SLC30A8: variants seen among roughly 807,000 people sequenced by gnomAD.
The protein encoded by SLC30A8 is solute carrier family 30 member 8.
SLC30A8 carries 27 observed loss-of-function variants against 36.9 expected under a neutral mutation model. That is an observed-to-expected ratio of 0.73 (90% CI 0.54 to 1.01). The LOEUF (loss-of-function observed/expected upper bound fraction) is 1.01, where lower values mean the gene tolerates loss of function less well. Ranked by LOEUF, SLC30A8 falls within the 50% of genes least tolerant of loss-of-function variation. The probability of loss-of-function intolerance (pLI) is 0.00; values close to 1 mark genes in which losing one functional copy is unlikely to be tolerated. For missense variants in SLC30A8, 439 were observed against 452.0 expected (o/e 0.97, Z 0.26); for synonymous variants, 164 against 172.4 (o/e 0.95, Z 0.38).
At chr8:117,161,126 A>T (rs1384643721) in intron 4 of SLC30A8, among the ~76,000 whole-genome samples, 1 of 152,214 alleles carries the variant, frequency 6.6e-6, no homozygotes, top group African/African-American at 2.4e-5. Flanking sequence ...CACATACAAG[A>T]TCATTTTTCA....
chr8:117,174,797 G>A lies in SLC30A8; in HGVS notation c.*2116G>A, dbSNP rs988352193. On this transcript the variant is annotated 3_prime_UTR_variant, in exon 8 of 8. Transcript: ENST00000456015. ...CAAAGTAATTGTCCCATGGCCCCAG[G>A]GTATTTCTGTTGTTTCCCTGAAATT... 1 of 152,414 alleles carries A rather than the reference G, an allele frequency of 6.6e-6. No homozygotes were observed. The highest frequency in any genetic ancestry group is 1.5e-5 in the Non-Finnish European group (1 of 67,984). 9.4% of individuals were successfully genotyped at this position (152,414 alleles called of 1,614,324 possible).
upstream of SLC30A8, among the ~76,000 whole-genome samples, chr8:117,133,145 A>G (rs1423264333): frequency 6.6e-6 from 1 of 152,052 alleles, no homozygotes; most frequent in Non-Finnish European, 1.5e-5. Context: ...AAAATTGCTG[A>G]TATTAGACCA....
intron 2 of SLC30A8, among the ~76,000 whole-genome samples, chr8:117,040,406 A>G (rs186386664): frequency 1.8e-4 from 28 of 152,356 alleles, no homozygotes; most frequent in Non-Finnish European, 3.2e-4. Context: ...CCTGATGCAC[A>G]CGGGCTTCAG....
intron 1 of SLC30A8, among the ~76,000 whole-genome samples, chr8:116,975,030 G>T (rs111625402): frequency 0.022 from 2,437 of 113,086 alleles, 90 homozygotes; most frequent in African/African-American, 0.076. Flanking sequence ...ACTGGGGCCT[G>T]TTGTGGGGTG....
rs116264808 is a variant in SLC30A8 at position 117,095,156 on chromosome 8, C to T, written c.-225-40124C>T. ...AGGGAGGGCAGGGCTCCTGCCTACT[C>T]CCAGCCCCCGTTGGCTCTGTGTAGC... On this transcript the variant is annotated intron_variant, in intron 2 of 10. Transcript: ENST00000427715. Among the ~76,000 whole-genome samples, 473 of 152,274 alleles carry T rather than the reference C, an allele frequency of 3.1e-3. 5 individuals are homozygous for T. Among genetic ancestry groups the T allele is most frequent in the African/African-American group, 0.011 (437 of 41,564 alleles).
chr8:117,047,914 C>T (rs1817601410), intron 2 of SLC30A8, among the ~76,000 whole-genome samples: 1 of 152,194 alleles, frequency 6.6e-6, no homozygotes, highest in Non-Finnish European at 1.5e-5. Flanking sequence ...GCTACACTCC[C>T]ACGAGTACCT....
intron 1 of SLC30A8, among the ~76,000 whole-genome samples, chr8:117,018,976 A>G (rs1816617900): frequency 6.6e-6 from 1 of 152,158 alleles, no homozygotes; most frequent in Non-Finnish European, 1.5e-5. Context: ...CTCTTGTTTC[A>G]TATGAACTAC....
At chr8:116,960,936 C>T (rs1814393946) in intron 1 of SLC30A8, among the ~76,000 whole-genome samples, 1 of 151,766 alleles carries the variant, frequency 6.6e-6, no homozygotes, top group Non-Finnish European at 1.5e-5. Context: ...CTTTATGACT[C>T]TCCTATTTTA....
intron 1 of SLC30A8, among the ~76,000 whole-genome samples, chr8:116,965,569 C>T (rs1044938769): frequency 1.3e-5 from 2 of 152,200 alleles, no homozygotes; most frequent in Admixed American, 6.5e-5. Context: ...CCTCAATCTC[C>T]TGTGTGGTGT....
At chr8:117,057,784 C>T (rs971153209) in intron 2 of SLC30A8, among the ~76,000 whole-genome samples, 1 of 152,142 alleles carries the variant, frequency 6.6e-6, no homozygotes, top group Non-Finnish European at 1.5e-5. Flanking sequence ...AAAGTCCATT[C>T]ATCTGTTGAT....
intron 6 of SLC30A8, among the ~76,000 whole-genome samples, chr8:117,169,381 G>C (rs910679089): frequency 6.6e-6 from 1 of 152,086 alleles, no homozygotes; most frequent in Non-Finnish European, 1.5e-5. Context: ...AGGTCTGATT[G>C]CAAAAATTCA....
intron 2 of SLC30A8, among the ~76,000 whole-genome samples, chr8:117,046,842 T>C (rs1036341457): frequency 1.3e-5 from 2 of 152,262 alleles, no homozygotes; most frequent in Non-Finnish European, 2.9e-5. Flanking sequence ...AGCTTGCCAT[T>C]GCACTAAAGC....
chr8:117,026,508 C>T (rs1385437359), intron 1 of SLC30A8, among the ~76,000 whole-genome samples: 2 of 152,140 alleles, frequency 1.3e-5, no homozygotes, highest in African/African-American at 4.8e-5. Flanking sequence ...GAACTGACCT[C>T]CCTCTCTCTG....
chr8:117,154,447 A>G (rs1822369748), intron 3 of SLC30A8, among the ~76,000 whole-genome samples: 1 of 152,208 alleles, frequency 6.6e-6, no homozygotes, highest in African/African-American at 2.4e-5. Context: ...CCTTCACTGA[A>G]AGGGCTGCTA....
At chr8:117,058,440 C>CA (rs932759321) in intron 2 of SLC30A8, among the ~76,000 whole-genome samples, 6 of 152,006 alleles carry the variant, frequency 3.9e-5, no homozygotes, top group African/African-American at 1.2e-4. Context: ...GGTGTCATAT[C>CA]AAAAAAATCA....
At chr8:117,016,906 TTA>T (rs1311696255) in intron 1 of SLC30A8, among the ~76,000 whole-genome samples, 1 of 152,108 alleles carries the variant, frequency 6.6e-6, no homozygotes, top group African/African-American at 2.4e-5. Flanking sequence ...CTAATTCACG[TTA>T]TGTTATATTC....
At chr8:116,962,211 G>A (rs1417562262) in intron 1 of SLC30A8, among the ~76,000 whole-genome samples, 1 of 151,882 alleles carries the variant, frequency 6.6e-6, no homozygotes, top group Non-Finnish European at 1.5e-5. Context: ...TAACTGTAAG[G>A]CAATTAGGTT....
At chr8:117,129,101 T>C (rs531788280) in intron 2 of SLC30A8, among the ~76,000 whole-genome samples, 1 of 152,016 alleles carries the variant, frequency 6.6e-6, no homozygotes, top group Non-Finnish European at 1.5e-5. Flanking sequence ...GGGTGGCAAT[T>C]AGATAATCAC....
intron 1 of SLC30A8, among the ~76,000 whole-genome samples, chr8:117,013,125 G>T (rs1247448141): frequency 6.6e-6 from 1 of 152,160 alleles, no homozygotes; most frequent in Non-Finnish European, 1.5e-5. Context: ...TGTGAAGAAT[G>T]TTAGCAAAAT....
Sources: allele counts gnomAD v4.1 joint callset (sites outside exome capture counted in the v4.1 genomes callset), GRCh38; gene constraint gnomAD v4.1.1; transcripts MANE v1.5; gene names NCBI Gene and HGNC (gene_info 2026-07-23, HGNC 2026-07-21).